The following MYO6 variants were observed in gnomAD, a reference collection of about 807,000 sequenced individuals.
MYO6 encodes myosin VI, also known as unconventional myosin-VI.
In MYO6, 74 loss-of-function variants were observed where a neutral mutation model predicts 178.7. The observed-to-expected ratio is 0.41, with a 90% CI of 0.34 to 0.50. MYO6 has a LOEUF of 0.50. Among genes scored for constraint, MYO6 ranks in the 20% least tolerant of loss-of-function variants. The probability of loss-of-function intolerance (pLI) is 0.09; values close to 1 mark genes in which losing one functional copy is unlikely to be tolerated. For missense variants in MYO6, 1,330 were observed against 1,547.4 expected (o/e 0.86, Z 2.36); for synonymous variants, 477 against 504.6 (o/e 0.95, Z 0.73).
intron 1 of MYO6, among the ~76,000 whole-genome samples, chr6:75,765,667 G>C (rs1291414334): frequency 6.6e-6 from 1 of 152,076 alleles, no homozygotes; most frequent in Non-Finnish European, 1.5e-5. Context: ...AGGATTGCTT[G>C]AACTCAGGAG....
rs1265157032 is a variant in MYO6, at chr6:75,867,112, G to A, written c.1944+7G>A. On this transcript the variant is annotated splice_region_variant and intron_variant, in intron 18 of 34. Coordinates refer to ENST00000369977, the MANE Select transcript of MYO6 (RefSeq NM_004999.4). ...CGTGGGAAACAAGTTTAAGGTATTT[G>A]TGTTATTTAATTTTTTTTTTACTAT... 1 of 1,588,768 alleles carries A rather than the reference G, an allele frequency of 6.3e-7. No homozygotes were observed. Among genetic ancestry groups the A allele is most frequent in the East Asian group, 2.3e-5 (1 of 43,662 alleles).
intron 10 of MYO6, among the ~76,000 whole-genome samples, chr6:75,845,617 C>G (rs1274708729): frequency 6.6e-6 from 1 of 151,834 alleles, no homozygotes; most frequent in Non-Finnish European, 1.5e-5. Context: ...TTGCTTGAAC[C>G]CTGGAGGTGG....
At chr6:75,907,763 A>G (rs1032999865) in intron 31 of MYO6, 55 bp downstream of exon 31, 2 of 1,361,446 alleles carry the variant, frequency 1.5e-6, no homozygotes, top group Non-Finnish European at 2.1e-6. Flanking sequence ...TAGGTGATAA[A>G]TACCTAGATT....
intron 12 of MYO6, 34 bp from the exon 13 acceptor site, chr6:75,857,062 TA>T: frequency 6.2e-7 from 1 of 1,609,240 alleles, no homozygotes. Context: ...TGCACTATTA[TA>T]AAGAATTTTT....
rs189229392 is a variant in MYO6, at chr6:75,905,208, A to C, written c.3177-2397A>C. 7.1e-3 allele frequency among the ~76,000 whole-genome samples: 1,081 copies of C among 152,338 alleles called. 16 individuals are homozygous for C. The highest frequency in any genetic ancestry group is 0.025 in the African/African-American group (1,037 of 41,574). On this transcript the variant is annotated intron_variant, in intron 30 of 34. Coordinates refer to ENST00000369977, the MANE Select transcript of MYO6 (RefSeq NM_004999.4). ...GTCTATGCCCTGCCCCCAGAGGTGG[A>C]GCCTACAGAGGCAGGCAGGCCTTCT...
rs182520757 is a variant in MYO6, at chr6:75,842,716, T to C, written c.816+1338T>C. On this transcript the variant is annotated intron_variant, in intron 9 of 34. Transcript: ENST00000369977. ...TTTACTATGGTTTTTAAAAAAGGAA[T>C]AAATTACTAGGAATTACATGAAATA... is the stretch of plus-strand genomic sequence containing the variant. Among the ~76,000 whole-genome samples, 249 of 152,318 alleles carry C rather than the reference T, an allele frequency of 1.6e-3. 1 individual carries two copies. Among genetic ancestry groups the C allele is most frequent in the African/African-American group, 5.6e-3 (232 of 41,578 alleles).
At chr6:75,847,777 T>A (rs1266166467) in intron 10 of MYO6, among the ~76,000 whole-genome samples, 1 of 152,074 alleles carries the variant, frequency 6.6e-6, no homozygotes, top group East Asian at 1.9e-4. Flanking sequence ...TTGGTGCAGT[T>A]GGTGGCAGTT....
At chr6:75,829,136 T>G (rs1772805119) in intron 4 of MYO6, among the ~76,000 whole-genome samples, 1 of 152,264 alleles carries the variant, frequency 6.6e-6, no homozygotes, top group South Asian at 2.1e-4. Context: ...CCTAAATAGT[T>G]GCTGAATTTC....
intron 11 of MYO6, among the ~76,000 whole-genome samples, chr6:75,851,743 G>A (rs1039617941): frequency 6.6e-6 from 1 of 152,098 alleles, no homozygotes; most frequent in African/African-American, 2.4e-5. Context: ...TACTTGGAAG[G>A]CTGAGGTGGA....
chr6:75,757,388 C>A, intron 1 of MYO6, among the ~76,000 whole-genome samples: 1 of 147,414 alleles, frequency 6.8e-6, no homozygotes, highest in Non-Finnish European at 1.5e-5. Flanking sequence ...TATATGTATA[C>A]ACATATATAT....
chr6:75,808,922 C>A (rs1273894816), intron 1 of MYO6, among the ~76,000 whole-genome samples: 2 of 152,144 alleles, frequency 1.3e-5, no homozygotes, highest in Non-Finnish European at 2.9e-5. Context: ...CTATTGCATT[C>A]TTTTGAGTCT....
intron 1 of MYO6, among the ~76,000 whole-genome samples, chr6:75,793,646 T>G (rs1768481333): frequency 1.3e-5 from 2 of 152,096 alleles, no homozygotes. Context: ...ATTGTCAGAT[T>G]AATAAACTTT....
chr6:75,790,422 G>A (rs1032775988), intron 1 of MYO6, among the ~76,000 whole-genome samples: 9 of 150,152 alleles, frequency 6.0e-5, no homozygotes, highest in African/African-American at 2.2e-4. Flanking sequence ...CTGTCACCCA[G>A]GCTGGAGTGC....
chr6:75,756,934 ATAGTGTGTATATATGTGTATATATG>A (rs1332002352), intron 1 of MYO6, among the ~76,000 whole-genome samples: 32 of 146,580 alleles, frequency 2.2e-4, no homozygotes, highest in East Asian at 6.1e-4. Context: ...CACACCATAT[ATAGTGTGTATATATGTGTATATATG>A]TATACACACA....
In MYO6 at chr6:75,754,519, C is replaced by CAAAAAAAAAAAA. The variant is rs58162315; in HGVS notation, c.-48+5112_-48+5123dup. Among the ~76,000 whole-genome samples, 5 of 44,180 alleles carry CAAAAAAAAAAAA rather than the reference C, an allele frequency of 1.1e-4. 2 individuals are homozygous for CAAAAAAAAAAAA. Among genetic ancestry groups the CAAAAAAAAAAAA allele is most frequent in the Non-Finnish European group, 1.3e-4 (4 of 29,934 alleles). The allele number at this position is 44,180 out of a possible 152,430, so 29.0% of individuals were successfully genotyped here. On this transcript the variant is annotated intron_variant, in intron 1 of 34. Coordinates refer to ENST00000369977, the MANE Select transcript of MYO6 (RefSeq NM_004999.4). ...TGGACGATTGAGTGAGACTCCGTCT[C>CAAAAAAAAAAAA]AAAAAAAAAAAAAAAAAAAAAAAAA...
At chr6:75,891,355 G>A in intron 27 of MYO6, 49 bp downstream of exon 27, 5 of 1,405,250 alleles carry the variant, frequency 3.6e-6, no homozygotes, top group Non-Finnish European at 5.0e-6. Context: ...CCTACAGGCT[G>A]GGTGTGGTGG....
At chr6:75,872,705 T>G (rs1777248547) in intron 19 of MYO6, among the ~76,000 whole-genome samples, 1 of 152,222 alleles carries the variant, frequency 6.6e-6, no homozygotes, top group South Asian at 2.1e-4. Context: ...AAATGTAGTA[T>G]TTTTGTAATA....
At chr6:75,891,170 T>G (rs1042482396) in intron 26 of MYO6, 58 bp from the exon 27 acceptor site, 4 of 1,197,978 alleles carry the variant, frequency 3.3e-6, no homozygotes, top group Non-Finnish European at 4.8e-6. Context: ...TTAAATTGCC[T>G]TCTGAAGGAT....
intron 2 of MYO6, among the ~76,000 whole-genome samples, chr6:75,819,488 A>G (rs142906025): frequency 2.1e-4 from 32 of 152,336 alleles, no homozygotes; most frequent in African/African-American, 7.5e-4. Flanking sequence ...GTGGAAGTAC[A>G]GTGGAAGTGT....
Sources: allele counts gnomAD v4.1 joint callset (sites outside exome capture counted in the v4.1 genomes callset), GRCh38; gene constraint gnomAD v4.1.1; transcripts MANE v1.5; gene names NCBI Gene and HGNC (gene_info 2026-07-23, HGNC 2026-07-21).